Variants in TYW1 observed in about 807,000 individuals in gnomAD.
TYW1 encodes the protein tRNA-yW synthesizing protein 1 homolog.
In TYW1, 46 loss-of-function variants were observed where a neutral mutation model predicts 96.2. The observed-to-expected ratio is 0.48, with a 90% confidence interval of 0.38 to 0.61. TYW1 has a LOEUF of 0.61. Ranked by LOEUF, TYW1 falls within the 20% of genes least tolerant of loss-of-function variation. The probability of loss-of-function intolerance (pLI) is 0.00; values close to 1 mark genes in which losing one functional copy is unlikely to be tolerated. For missense variants in TYW1, 684 were observed against 909.6 expected, an observed-to-expected ratio of 0.75 and a Z score of 3.19; for synonymous variants, 274 against 323.0, an observed-to-expected ratio of 0.85 and a Z score of 1.63.
At chr7:67,040,753 A>G (rs1449290146) in intron 7 of TYW1, among the ~76,000 whole-genome samples, 1 of 151,912 alleles carries the variant, frequency 6.6e-6, no homozygotes, top group African/African-American at 2.4e-5. Context: ...CTGAGGTGGG[A>G]GGATTGCTTG....
intron 12 of TYW1, among the ~76,000 whole-genome samples, chr7:67,108,004 G>C (rs1797293181): frequency 6.6e-6 from 1 of 151,344 alleles, no homozygotes; most frequent in Non-Finnish European, 1.5e-5. Context: ...AGCCTCCCGA[G>C]TATCTGGGAT....
At chr7:67,013,246 C>T (rs1010478816) in intron 4 of TYW1, among the ~76,000 whole-genome samples, 2 of 152,048 alleles carry the variant, frequency 1.3e-5, no homozygotes, top group South Asian at 4.1e-4. Context: ...CCTCAGCCTC[C>T]CGAGTAGCTG....
At chr7:67,114,509 GA>G (rs1797530209) in intron 12 of TYW1, 1 of 152,326 alleles carries the variant, frequency 6.6e-6, no homozygotes, top group African/African-American at 2.4e-5. Context: ...CTCAGATCAA[GA>G]ATCCTGGGGC....
At chr7:67,131,748 G>T (rs1267798373) in intron 13 of TYW1, among the ~76,000 whole-genome samples, 1 of 152,202 alleles carries the variant, frequency 6.6e-6, no homozygotes, top group African/African-American at 2.4e-5. Flanking sequence ...AACCTCAGAA[G>T]TAGGGAAGCT....
chr7:67,216,221 A>T (rs1801194240), intron 15 of TYW1, among the ~76,000 whole-genome samples: 1 of 146,838 alleles, frequency 6.8e-6, no homozygotes, highest in Non-Finnish European at 1.5e-5. Flanking sequence ...TCTATAGATA[A>T]TTTTTTTCTT....
chr7:67,079,045 T>A (rs866723860), intron 10 of TYW1, among the ~76,000 whole-genome samples: 16 of 152,284 alleles, frequency 1.1e-4, no homozygotes, highest in African/African-American at 3.8e-4. Flanking sequence ...TATTTTCCTT[T>A]TCTTTTTTGT....
At position 67,133,257 on chromosome 7, in the gene TYW1, C is replaced by A. The variant is rs1015048347; in HGVS notation, c.1698+15639C>A. On this transcript the variant is annotated intron_variant, in intron 13 of 15. Transcript: ENST00000359626. The stretch of plus-strand genomic sequence containing the variant: ...GCTCAAGTGATCTTCCCACCTCAGT[C>A]CCCCCACGAAGCTCGGACTACAGCC... Among the ~76,000 whole-genome samples the A allele has an allele frequency of 2.3e-4, 19 of 81,172 alleles. 1 individual carries two copies. Among genetic ancestry groups the A allele is most frequent in the Admixed American group, 1.6e-3 (15 of 9,418 alleles). The allele number at this position is 81,172 out of a possible 152,430, so 53.3% of individuals were successfully genotyped here.
At chr7:67,227,114 G>T (rs1205274381) in intron 15 of TYW1, among the ~76,000 whole-genome samples, 1 of 152,078 alleles carries the variant, frequency 6.6e-6, no homozygotes, top group Non-Finnish European at 1.5e-5. Flanking sequence ...TGCTGATTGT[G>T]CAGATAGATG....
chr7:67,103,790 C>T (rs1797161075), intron 12 of TYW1, among the ~76,000 whole-genome samples: 3 of 152,194 alleles, frequency 2.0e-5, no homozygotes. Context: ...TTTTATACAG[C>T]AAGTCAGCTC....
At chr7:67,147,650 A>C (rs14318) in intron 13 of TYW1, among the ~76,000 whole-genome samples, 39,743 of 151,708 alleles carry the variant, frequency 0.26, 5,728 homozygotes, top group African/African-American at 0.39. Context: ...TCATTTAGCT[A>C]CCACTTATAA....
intron 11 of TYW1, chr7:67,089,112 T>G (rs1796635634): frequency 4.9e-6 from 2 of 408,986 alleles, no homozygotes; most frequent in Non-Finnish European, 8.7e-6. Context: ...TTTTAACAAA[T>G]AGCCCCAGGG....
At chr7:67,081,149 C>T (rs926005304) in intron 10 of TYW1, among the ~76,000 whole-genome samples, 1 of 149,172 alleles carries the variant, frequency 6.7e-6, no homozygotes, top group Non-Finnish European at 1.5e-5. Context: ...TGATGAATTC[C>T]CTCAGTTTTT....
intron 4 of TYW1, among the ~76,000 whole-genome samples, chr7:67,011,596 G>A (rs1017906725): frequency 2.6e-5 from 4 of 152,192 alleles, no homozygotes; most frequent in Non-Finnish European, 5.9e-5. Context: ...CAGAGGCTGG[G>A]TGTGGTGGCT....
At chr7:67,056,596 C>T (rs1468818881) in intron 9 of TYW1, among the ~76,000 whole-genome samples, 3 of 151,912 alleles carry the variant, frequency 2.0e-5, no homozygotes, top group Non-Finnish European at 4.4e-5. Flanking sequence ...GCATCCGTGT[C>T]GTATCATGTA....
At chr7:67,172,936 A>G (rs1043244036) in intron 13 of TYW1, among the ~76,000 whole-genome samples, 2 of 149,174 alleles carry the variant, frequency 1.3e-5, no homozygotes, top group Admixed American at 1.3e-4. Flanking sequence ...CCTGGGCAAC[A>G]TAATGAGACC....
chr7:67,208,799 CACA>C (rs1800902467), intron 15 of TYW1, among the ~76,000 whole-genome samples: 1 of 151,500 alleles, frequency 6.6e-6, no homozygotes, highest in African/African-American at 2.4e-5. Flanking sequence ...GTAAGATTTT[CACA>C]ACATGATATA....
chr7:67,150,650 G>T (rs1465547536), intron 13 of TYW1, among the ~76,000 whole-genome samples: 8 of 152,158 alleles, frequency 5.3e-5, no homozygotes, highest in Non-Finnish European at 8.8e-5. Flanking sequence ...TTAGTAATGA[G>T]TACTATTCAA....
At chr7:67,133,216 A>G (rs1296661007) in intron 13 of TYW1, among the ~76,000 whole-genome samples, 1 of 151,912 alleles carries the variant, frequency 6.6e-6, no homozygotes, top group Non-Finnish European at 1.5e-5. Flanking sequence ...GGCTCACTGC[A>G]GTCTCAACCT....
intron 15 of TYW1, among the ~76,000 whole-genome samples, chr7:67,204,247 AT>A (rs370675994): frequency 6.6e-6 from 1 of 151,038 alleles, no homozygotes; most frequent in Non-Finnish European, 1.5e-5. Context: ...CAAATGTTAG[AT>A]TTTTTTTTGT....
Sources: gnomAD v4.1 joint callset for allele counts (sites outside exome capture counted in the v4.1 genomes callset) on GRCh38, gnomAD v4.1.1 for gene constraint, MANE v1.5 for transcripts, NCBI Gene and HGNC (gene_info 2026-07-23, HGNC 2026-07-21) for gene names.